Variants in GFPT2 observed in about 807,000 individuals in gnomAD.
GFPT2 encodes the protein glutamine--fructose-6-phosphate aminotransferase [isomerizing] 2.
GFPT2 carries 62 observed loss-of-function variants against 85.6 expected under a neutral mutation model. That is an observed-to-expected ratio of 0.72 (90% CI 0.59 to 0.90). The LOEUF is 0.90. Ranked by LOEUF, GFPT2 falls within the 40% of genes least tolerant of loss-of-function variation. The probability of loss-of-function intolerance (pLI) is 0.00; values close to 1 mark genes in which losing one functional copy is unlikely to be tolerated. For missense variants in GFPT2, 788 were observed against 893.4 expected (o/e 0.88, Z 1.50); for synonymous variants, 368 against 344.5 (o/e 1.07, Z -0.75).
chr5:180,304,300 G>C (rs1763736616), intron 17 of GFPT2, among the ~76,000 whole-genome samples: 3 of 152,218 alleles, frequency 2.0e-5, no homozygotes, highest in South Asian at 2.1e-4. Context: ...CTTCAGGGGA[G>C]AGTGGGAATC....
intron 17 of GFPT2, among the ~76,000 whole-genome samples, chr5:180,304,481 C>T (rs1763738852): frequency 6.6e-6 from 1 of 152,194 alleles, no homozygotes; most frequent in South Asian, 2.1e-4. Context: ...GGAAACCCTG[C>T]CCCAGGGATG....
intron 4 of GFPT2, among the ~76,000 whole-genome samples, chr5:180,334,710 G>A (rs1429922123): frequency 6.6e-6 from 1 of 152,200 alleles, no homozygotes; most frequent in Non-Finnish European, 1.5e-5. Context: ...CCAGGTTGGG[G>A]GCTTCAGGGG....
chr5:180,311,564 T>C (rs1763881175), intron 15 of GFPT2, among the ~76,000 whole-genome samples: 1 of 152,154 alleles, frequency 6.6e-6, no homozygotes, highest in African/African-American at 2.4e-5. Flanking sequence ...CCTGGGGCCA[T>C]TTGCTCTTTC....
Position 180,304,859 on chromosome 5 carries a change from GTC to G in GFPT2, c.1753_1754del (p.Asp585GlnfsTer42). 6.2e-7 allele frequency: 1 copy of G among 1,613,334 alleles called. No homozygotes were observed. The highest frequency in any genetic ancestry group is 8.5e-7 in the Non-Finnish European group (1 of 1,179,204). On this transcript the variant is annotated frameshift_variant, in exon 17 of 19. Transcript: ENST00000253778. LOFTEE classifies it high-confidence loss of function. ...TGACCATGATGACGGGCATCTGCTT[GTC>G]AATCAGTGCCAGGGGCCCGTGCTTC... ...ELKHGPLALI[D>X]KQMPVIMVIM...
chr5:180,313,727 GCAGGC>G (rs1429526002), intron 14 of GFPT2, 75 bp downstream of exon 14: 1 of 1,281,144 alleles, frequency 7.8e-7, no homozygotes, highest in Non-Finnish European at 1.1e-6. Flanking sequence ...CGCGGGCAGA[GCAGGC>G]CGGAGGAGGG....
intron 13 of GFPT2, among the ~76,000 whole-genome samples, chr5:180,315,684 C>T (rs1763993801): frequency 6.6e-6 from 1 of 152,122 alleles, no homozygotes; most frequent in African/African-American, 2.4e-5. Context: ...TGGAATTATC[C>T]GTAATTAAAA....
At chr5:180,343,166 A>G (rs1764551271) in intron 1 of GFPT2, among the ~76,000 whole-genome samples, 1 of 152,212 alleles carries the variant, frequency 6.6e-6, no homozygotes, top group Admixed American at 6.5e-5. Flanking sequence ...ACCCATTGCC[A>G]ACTCTGAAAA....
chr5:180,340,655 G>A (rs1764497736), intron 1 of GFPT2, among the ~76,000 whole-genome samples: 1 of 151,744 alleles, frequency 6.6e-6, no homozygotes, highest in Non-Finnish European at 1.5e-5. Context: ...GGGACTACAG[G>A]TGCCCGACAC....
intron 10 of GFPT2, 67 bp from the exon 11 acceptor site, chr5:180,317,125 C>T (rs528625016): frequency 1.3e-4 from 134 of 1,010,336 alleles, no homozygotes; most frequent in South Asian, 1.3e-3. Flanking sequence ...TATGCAGCAG[C>T]GATAGTAACT....
intron 9 of GFPT2, among the ~76,000 whole-genome samples, chr5:180,321,184 T>TA (rs1764113770): frequency 7.3e-6 from 1 of 136,340 alleles, no homozygotes. Flanking sequence ...TAGAAATATA[T>TA]TTTTTTGTAT....
intron 4 of GFPT2, among the ~76,000 whole-genome samples, chr5:180,332,687 G>A (rs549912293): frequency 3.3e-5 from 5 of 152,168 alleles, no homozygotes; most frequent in Admixed American, 2.6e-4. Flanking sequence ...GCAGGTGCTC[G>A]CCACCACACC....
At chr5:180,324,791 T>C (rs770856489) in intron 8 of GFPT2, 25 bp downstream of exon 8, 2 of 1,435,926 alleles carry the variant, frequency 1.4e-6, no homozygotes, top group Admixed American at 3.3e-5. Flanking sequence ...AGCTGTGCTG[T>C]TCCGGTACTT....
At chr5:180,352,779 T>C in intron 1 of GFPT2, 1 of 310,750 alleles carries the variant, frequency 3.2e-6, no homozygotes. Context: ...CGCGGCGGGC[T>C]GAGTCGGGAT....
At chr5:180,329,171 C>T (rs148529289) in intron 6 of GFPT2, among the ~76,000 whole-genome samples, 201 of 152,330 alleles carry the variant, frequency 1.3e-3, no homozygotes, top group African/African-American at 4.2e-3. Context: ...CACAAGAAAT[C>T]CTCCAAGTGT....
chr5:180,353,131 G>A (rs1301650777), intron 1 of GFPT2, 80 bp downstream of exon 1: 18 of 1,169,332 alleles, frequency 1.5e-5, no homozygotes, highest in Non-Finnish European at 1.8e-5. Flanking sequence ...GCCTGCTTGC[G>A]GGCGGAGGCG....
chr5:180,310,689 G>A (rs1763862841), intron 15 of GFPT2, among the ~76,000 whole-genome samples: 1 of 151,650 alleles, frequency 6.6e-6, no homozygotes, highest in Admixed American at 6.6e-5. Flanking sequence ...GGGATTACAG[G>A]CGTGAGCCAC....
chr5:180,351,141 A>G (rs2127659382), intron 1 of GFPT2, among the ~76,000 whole-genome samples: 1 of 152,384 alleles, frequency 6.6e-6, no homozygotes, highest in African/African-American at 2.4e-5. Flanking sequence ...ATGCCAAAAG[A>G]AAACAACCAT....
chr5:180,301,657 A>G (rs1763674414), intron 18 of GFPT2, 49 bp from the exon 19 acceptor site: 1 of 1,443,464 alleles, frequency 6.9e-7, no homozygotes, highest in African/African-American at 1.4e-5. Flanking sequence ...TCTCAGCAAC[A>G]TGCTACCTCT....
intron 1 of GFPT2, among the ~76,000 whole-genome samples, chr5:180,346,901 G>A (rs957764358): frequency 2.6e-5 from 4 of 152,240 alleles, no homozygotes; most frequent in East Asian, 1.9e-4. Context: ...AGCTGAGAAC[G>A]GGGCAGTAAA....
Sources: gnomAD v4.1 joint callset for allele counts (sites outside exome capture counted in the v4.1 genomes callset) on GRCh38, gnomAD v4.1.1 for gene constraint, MANE v1.5 for transcripts, NCBI Gene and HGNC (gene_info 2026-07-23, HGNC 2026-07-21) for gene names.